The following ATP2A2 variants were observed in gnomAD, a reference collection of about 807,000 sequenced individuals.
The protein encoded by ATP2A2 is ATPase sarcoplasmic/endoplasmic reticulum Ca2+ transporting 2.
Under a neutral mutation model 109.3 loss-of-function variants are expected in ATP2A2, and 14 were observed. That is an observed-to-expected ratio of 0.13 (90% CI 0.08 to 0.20). The LOEUF (loss-of-function observed/expected upper bound fraction) is 0.20, where lower values mean the gene tolerates loss of function less well. ATP2A2 is among the 10% of genes least tolerant of loss of function. ATP2A2 has a pLI of 1.00. For synonymous variants in ATP2A2, 506 were observed against 490.9 expected (o/e 1.03, Z -0.41); for missense variants, 657 against 1,321.6 (o/e 0.50, Z 7.80).
Position 110,339,865 on chromosome 12 carries a change from C to A in ATP2A2, c.1761+144C>A. 1 of 864,954 alleles carries A rather than the reference C, an allele frequency of 1.2e-6. No homozygotes were observed. Among genetic ancestry groups the A allele is most frequent in the Non-Finnish European group, 1.8e-6 (1 of 544,372 alleles). The allele number at this position is 864,954 out of a possible 1,614,324, so 53.6% of individuals were successfully genotyped here. A position where few individuals can be genotyped will look rare whatever the true frequency, so the allele number is the denominator to read the frequency against. ...TTGTTTTTCTGCCTGCCAGCTGTGT[C>A]ACCCTTAAAATTTGCTGCTTCAAAC... On this transcript the variant is annotated intron_variant, in intron 13 of 19. Transcript: ENST00000539276. The surrounding 1 kb of genome is among the most constrained non-coding windows in gnomAD (Gnocchi z 4.4).
At chr12:110,326,215 AT>A in intron 6 of ATP2A2, 174 bp from the exon 7 acceptor site, 1 of 647,208 alleles carries the variant, frequency 1.5e-6, no homozygotes, top group South Asian at 1.7e-5. Flanking sequence ...TCTGGTATTA[AT>A]TTCCATTACT....
chr12:110,301,634 C>T (rs1451936072), intron 5 of ATP2A2, among the ~76,000 whole-genome samples: 1 of 152,182 alleles, frequency 6.6e-6, no homozygotes, highest in African/African-American at 2.4e-5. Flanking sequence ...TGTTGTCTTC[C>T]TCCAGTCCAT....
chr12:110,300,557 T>C (rs901402607), intron 5 of ATP2A2, among the ~76,000 whole-genome samples: 7 of 150,974 alleles, frequency 4.6e-5, no homozygotes, highest in Non-Finnish European at 8.9e-5. Flanking sequence ...GGTTTCACTG[T>C]GTTAGCCAGG....
chr12:110,313,211 A>G (rs1207280601), intron 5 of ATP2A2, among the ~76,000 whole-genome samples: 3 of 151,604 alleles, frequency 2.0e-5, no homozygotes, highest in Admixed American at 6.6e-5. Context: ...ATTCAGTGGT[A>G]GTCACAGTAC....
chr12:110,340,378 A>C lies in ATP2A2; in HGVS notation c.1762-281A>C, dbSNP rs1408434497. ...ACATGGAGAAACCACATCTCTACTA[A>C]AAATACAAAATTAGCCAGGTGTGGT... On this transcript the variant is annotated intron_variant, in intron 13 of 19. Coordinates refer to ENST00000539276, the MANE Select transcript of ATP2A2 (RefSeq NM_170665.4). The surrounding 1 kb of genome is among the most constrained non-coding windows in gnomAD (Gnocchi z 6.0). Among the ~76,000 whole-genome samples the C allele has an allele frequency of 6.6e-6, 1 of 152,020 alleles. No individual in the cohort carries two copies. The highest frequency in any genetic ancestry group is 6.6e-5 in the Admixed American group (1 of 15,264).
intron 9 of ATP2A2, 120 bp from the exon 10 acceptor site, chr12:110,333,061 T>C: frequency 1.1e-6 from 1 of 899,730 alleles, no homozygotes; most frequent in South Asian, 1.3e-5. Context: ...TGGAATTTTT[T>C]CCAGTATGTT....
intron 5 of ATP2A2, among the ~76,000 whole-genome samples, chr12:110,311,014 G>A (rs528336027): frequency 2.3e-4 from 35 of 152,304 alleles, no homozygotes; most frequent in African/African-American, 8.4e-4. Flanking sequence ...TGCAGAATTA[G>A]GTAATTGGAG....
At chr12:110,310,816 T>A (rs1254347654) in intron 5 of ATP2A2, among the ~76,000 whole-genome samples, 1 of 152,202 alleles carries the variant, frequency 6.6e-6, no homozygotes, top group Non-Finnish European at 1.5e-5. Context: ...AAGAAAACTT[T>A]CAATTTAAAG....
At position 110,328,132 on chromosome 12, in the gene ATP2A2, T is replaced by G. The variant is rs1209426270; in HGVS notation, c.1095+115T>G. 1.6e-5 allele frequency: 17 copies of G among 1,039,388 alleles called. No homozygotes were observed. In the African/African-American group the frequency reaches 1.7e-4, roughly 11 times the overall value. The allele number at this position is 1,039,388 out of a possible 1,614,324, so 64.4% of individuals were successfully genotyped here. ...ATTTCATACATTTCTGTGGGCTGTATGTATAGCCTGAGCTTAATTTCTAAT... is the reference window on the plus strand; with the variant it reads ...ATTTCATACATTTCTGTGGGCTGTAGGTATAGCCTGAGCTTAATTTCTAAT... On this transcript the variant is annotated intron_variant, in intron 8 of 19. Transcript: ENST00000539276.
chr12:110,345,853 T>G (rs1879795921), intron 18 of ATP2A2, 148 bp from the exon 19 acceptor site: 1 of 798,774 alleles, frequency 1.3e-6, no homozygotes, highest in Non-Finnish European at 2.2e-6. Context: ...TCTCTTCAAC[T>G]TTGCCACTGT....
At chr12:110,328,077 C>A in intron 8 of ATP2A2, 60 bp downstream of exon 8, 1 of 1,509,700 alleles carries the variant, frequency 6.6e-7, no homozygotes. Context: ...TACCAATATG[C>A]CTTCATGCCA....
chr12:110,305,228 C>T (rs1875152291), intron 5 of ATP2A2, among the ~76,000 whole-genome samples: 1 of 152,120 alleles, frequency 6.6e-6, no homozygotes, highest in African/African-American at 2.4e-5. Flanking sequence ...GCCACCATGC[C>T]CAGCCTAGGA....
rs768999793 is a variant in ATP2A2 at position 110,332,587 on chromosome 12, C to A, written c.1096-10C>A. Reference sequence around the variant, plus strand: ...CCTTTTAAATACTCTGATGCGCTCTCCCCCTACAGATGTTCATTCTGGACA... The same window carrying A: ...CCTTTTAAATACTCTGATGCGCTCTACCCCTACAGATGTTCATTCTGGACA... On this transcript the variant is annotated splice_polypyrimidine_tract_variant and intron_variant, in intron 8 of 19. Transcript: ENST00000539276. The A allele has an allele frequency of 1.9e-6, 3 of 1,601,462 alleles. No homozygotes were observed. The Admixed American group carries it at 5.0e-5, about 27-fold the overall frequency.
intron 3 of ATP2A2, among the ~76,000 whole-genome samples, chr12:110,285,117 A>G (rs1872535867): frequency 6.6e-6 from 1 of 151,778 alleles, no homozygotes; most frequent in Non-Finnish European, 1.5e-5. Flanking sequence ...TAAAAAGAAT[A>G]TTAGTGACTT....
rs1305183172 is a variant in ATP2A2 at position 110,342,086 on chromosome 12, T to C, written c.2098-142T>C. The C allele has an allele frequency of 1.2e-5, 11 of 955,002 alleles. No homozygotes were observed. The highest frequency in any genetic ancestry group is 1.6e-5 in the African/African-American group (1 of 61,740). 59.2% of individuals were successfully genotyped at this position (955,002 alleles called of 1,614,324 possible). A position where few individuals can be genotyped will look rare whatever the true frequency, so the allele number is the denominator to read the frequency against. On this transcript the variant is annotated intron_variant, in intron 14 of 19. Coordinates refer to ENST00000539276, the MANE Select transcript of ATP2A2 (RefSeq NM_170665.4). This position sits in a 1 kb window ranked among gnomAD's most constrained non-coding sequence, Gnocchi z 4.6. ...AAATGTGTTTTGTGACACCAACTTATGAAACAAAAATTCTAAAACTCTTTG... is the reference window on the plus strand; with the variant it reads ...AAATGTGTTTTGTGACACCAACTTACGAAACAAAAATTCTAAAACTCTTTG...
In ATP2A2 at chr12:110,296,702, A is replaced by G. The variant is rs748133105; in HGVS notation, c.428A>G (p.Lys143Arg). ...DRKSVQRIKA[K>R]DIVPGDIVEI... ...AAGAGTGTGCAGCGGATTAAAGCTA[A>G]AGACATAGTTCCTGGTGATATTGTA... The change falls in exon 5 of 20, where the codon AAA (lysine) becomes AGA (arginine). Residue 143 changes from lysine to arginine, a missense_variant. Physicochemically the swap from Lys to Arg is conservative, Grantham distance 26. This residue lies in a region of ATP2A2 where 136 missense variants were observed against 343.9 expected (regional missense o/e 0.40). Transcript: ENST00000539276. The G allele has an allele frequency of 7.4e-6, 12 of 1,613,960 alleles. No homozygotes were observed. The highest frequency in any genetic ancestry group is 1.7e-4 in the Middle Eastern group (1 of 6,060).
chr12:110,349,486 C>A lies in ATP2A2; in HGVS notation c.*3016C>A. On this transcript the variant is annotated 3_prime_UTR_variant, in exon 20 of 20. Transcript: ENST00000539276. ...ATACCCTAACTGGGACACCACTCTG[C>A]AGAATGCAGATGATCCATTCTGGAG... 1.0e-6 allele frequency: 1 copy of A among 985,646 alleles called. No individual in the cohort carries two copies. Among genetic ancestry groups the A allele is most frequent in the Non-Finnish European group, 1.2e-6 (1 of 830,084 alleles). 61.1% of individuals were successfully genotyped at this position (985,646 alleles called of 1,614,324 possible).
chr12:110,281,225 G>A (rs1243800365), upstream of ATP2A2: 1 of 151,056 alleles, frequency 6.6e-6, no homozygotes, highest in African/African-American at 2.4e-5. Flanking sequence ...GGCGAAAGGG[G>A]AGGCAGCGGC....
chr12:110,343,334 G>T lies in ATP2A2; in HGVS notation c.2421G>T (p.Gly807=). The T allele has an allele frequency of 6.2e-7, 1 of 1,614,178 alleles. No homozygotes were observed. The highest frequency in any genetic ancestry group is 2.2e-5 in the East Asian group (1 of 44,886). Residue 807 remains glycine (G), a synonymous_variant, in exon 16 of 20, where the codon GGG becomes GGT. Coordinates refer to ENST00000539276, the MANE Select transcript of ATP2A2 (RefSeq NM_170665.4). ...ATGGCCTGCCTGCCACTGCACTGGGGTTCAACCCTCCTGATCTGGACATCA... is the reference window on the plus strand; with the variant it reads ...ATGGCCTGCCTGCCACTGCACTGGGTTTCAACCCTCCTGATCTGGACATCA... The part of the protein sequence containing the change: ...VTDGLPATAL[G]FNPPDLDIMN...
Sources: allele counts gnomAD v4.1 joint callset (sites outside exome capture counted in the v4.1 genomes callset), GRCh38; gene constraint gnomAD v4.1.1; regional missense constraint gnomAD v4.1.1; non-coding constraint Gnocchi (gnomAD v3.1); transcripts MANE v1.5; gene names NCBI Gene and HGNC (gene_info 2026-07-23, HGNC 2026-07-21).